SLIT2: variants seen among roughly 807,000 people sequenced by gnomAD.
SLIT2 encodes the protein slit guidance ligand 2.
Under a neutral mutation model 185.7 loss-of-function variants are expected in SLIT2, and 41 were observed. The ratio of observed to expected loss-of-function variants is 0.22; its 90% CI spans 0.17 to 0.29. SLIT2 has a LOEUF of 0.29. Ranked by LOEUF, SLIT2 falls within the 10% of genes least tolerant of loss-of-function variation. The pLI is 1.00. For synonymous variants in SLIT2, 693 were observed against 680.2 expected (o/e 1.02, Z -0.29); for missense variants, 1,571 against 1,909.0 (o/e 0.82, Z 3.30).
chr4:20,324,009 A>G (rs1215941931), intron 4 of SLIT2, among the ~76,000 whole-genome samples: 1 of 152,188 alleles, frequency 6.6e-6, no homozygotes, highest in African/African-American at 2.4e-5. Flanking sequence ...AAGGCAGACC[A>G]CTAAACACTT....
chr4:20,500,794 C>T (rs1481726077), intron 9 of SLIT2, among the ~76,000 whole-genome samples: 2 of 152,046 alleles, frequency 1.3e-5, no homozygotes, highest in East Asian at 1.9e-4. Flanking sequence ...GCTATCATGC[C>T]GATGCAGGCA....
chr4:20,258,073 T>G, intron 3 of SLIT2, 134 bp downstream of exon 3: 1 of 533,226 alleles, frequency 1.9e-6, no homozygotes, highest in Non-Finnish European at 3.4e-6. Context: ...GAATGAGTGG[T>G]TTTCAGGTTA....
chr4:20,290,059 C>G (rs755946141), intron 4 of SLIT2, among the ~76,000 whole-genome samples: 1 of 152,168 alleles, frequency 6.6e-6, no homozygotes, highest in Admixed American at 6.5e-5. Context: ...GCTTGCTCTA[C>G]CTGCTCATCT....
At chr4:20,452,333 T>A (rs1270318418) in intron 4 of SLIT2, among the ~76,000 whole-genome samples, 1 of 152,180 alleles carries the variant, frequency 6.6e-6, no homozygotes, top group Non-Finnish European at 1.5e-5. Flanking sequence ...TCCTCGTCTG[T>A]GTGTTGGAGA....
intron 9 of SLIT2, among the ~76,000 whole-genome samples, chr4:20,503,596 A>G (rs1210277318): frequency 6.6e-6 from 1 of 152,134 alleles, no homozygotes; most frequent in Non-Finnish European, 1.5e-5. Context: ...ATTTGGTTGC[A>G]TCTATTGAGT....
At chr4:20,322,132 A>G (rs1719144503) in intron 4 of SLIT2, among the ~76,000 whole-genome samples, 2 of 152,144 alleles carry the variant, frequency 1.3e-5, no homozygotes, top group Admixed American at 1.3e-4. Flanking sequence ...GCTTTCCTCT[A>G]TCACCAGAAC....
chr4:20,298,286 T>C (rs1429982332), intron 4 of SLIT2, among the ~76,000 whole-genome samples: 1 of 151,888 alleles, frequency 6.6e-6, no homozygotes, highest in Non-Finnish European at 1.5e-5. Context: ...ACGGGGTTTC[T>C]CCTTGTTGGT....
chr4:20,320,163 A>G (rs530019642), intron 4 of SLIT2, among the ~76,000 whole-genome samples: 1 of 152,356 alleles, frequency 6.6e-6, no homozygotes, highest in South Asian at 2.1e-4. Flanking sequence ...AACATGAAGA[A>G]GAATCTATAA....
chr4:20,468,517 T>C (rs542785859), intron 5 of SLIT2, among the ~76,000 whole-genome samples: 6 of 151,980 alleles, frequency 3.9e-5, no homozygotes, highest in Admixed American at 3.9e-4. Flanking sequence ...ATCTTTAGTC[T>C]GGTGTTTCAA....
intron 5 of SLIT2, among the ~76,000 whole-genome samples, chr4:20,473,463 G>A (rs1715781553): frequency 6.6e-6 from 1 of 151,914 alleles, no homozygotes; most frequent in Non-Finnish European, 1.5e-5. Context: ...TTTTAGGAAG[G>A]AAGTCACCCA....
chr4:20,498,869 C>T (rs772849684), intron 9 of SLIT2, among the ~76,000 whole-genome samples: 8 of 152,132 alleles, frequency 5.3e-5, no homozygotes, highest in Non-Finnish European at 7.4e-5. Flanking sequence ...AATACTGCTA[C>T]GATAAACATA....
chr4:20,455,509 T>C lies in SLIT2; in HGVS notation c.396-12243T>C, dbSNP rs549926779. 7.9e-5 allele frequency among the ~76,000 whole-genome samples: 12 copies of C among 152,238 alleles called. No homozygotes were observed. In the South Asian group the frequency reaches 2.3e-3, roughly 29 times the overall value. ...TGCTAGTCCCCAACAGAGATAGATA[T>C]TGATTTTAAAATTGCTTTACAGAGT... On this transcript the variant is annotated intron_variant, in intron 4 of 36. Transcript: ENST00000504154.
At position 20,391,833 on chromosome 4, in the gene SLIT2, C is replaced by T. The variant is rs1357671343; in HGVS notation, c.396-75919C>T. Among the ~76,000 whole-genome samples the T allele has an allele frequency of 2.6e-5, 4 of 151,918 alleles. No homozygotes were observed. In the East Asian group the frequency reaches 5.8e-4, roughly 22 times the overall value. ...GTTCTTTTCTTTGTTTTGAAGACAA[C>T]GTAGTCTTCTTTTGAAAAAAAGTCC... On this transcript the variant is annotated intron_variant, in intron 4 of 36. Transcript: ENST00000504154.
At chr4:20,585,578 T>A (rs1206627989) in intron 29 of SLIT2, among the ~76,000 whole-genome samples, 2 of 152,240 alleles carry the variant, frequency 1.3e-5, no homozygotes, top group African/African-American at 2.4e-5. Flanking sequence ...TTAACCTATA[T>A]TCAACCACAT....
chr4:20,426,468 A>G (rs1728564667), intron 4 of SLIT2, among the ~76,000 whole-genome samples: 1 of 152,198 alleles, frequency 6.6e-6, no homozygotes, highest in Non-Finnish European at 1.5e-5. Context: ...TAGATTTAGC[A>G]GTGTGTTATC....
chr4:20,477,899 A>G (rs780593145), intron 5 of SLIT2, among the ~76,000 whole-genome samples: 1 of 152,198 alleles, frequency 6.6e-6, no homozygotes, highest in Non-Finnish European at 1.5e-5. Flanking sequence ...GCCTGTCACT[A>G]AAGGTATGGC....
chr4:20,578,876 G>T (rs969939023), intron 29 of SLIT2, among the ~76,000 whole-genome samples: 6 of 151,978 alleles, frequency 3.9e-5, no homozygotes, highest in African/African-American at 1.5e-4. Flanking sequence ...TCTTAATCTG[G>T]GGACAAAATG....
intron 5 of SLIT2, 67 bp downstream of exon 5, chr4:20,467,890 T>G: frequency 1.3e-6 from 1 of 775,766 alleles, no homozygotes. Context: ...AAGTTTATAT[T>G]AAATAAAGTG....
At position 20,569,986 on chromosome 4, in the gene SLIT2, A is replaced by G. The variant is rs138435588; in HGVS notation, c.3088+982A>G. 1.1e-3 allele frequency among the ~76,000 whole-genome samples: 173 copies of G among 152,246 alleles called. 1 individual carries two copies. The highest frequency in any genetic ancestry group is 3.9e-3 in the African/African-American group (162 of 41,582). On this transcript the variant is annotated intron_variant, in intron 29 of 36. Transcript: ENST00000504154. ...TTTCCCAGGGATTTGTTGGAAAATT[A>G]TTAAAACGGAAGCTTTTATGGAATA... is the stretch of plus-strand genomic sequence containing the variant.
Sources: allele counts gnomAD v4.1 joint callset (sites outside exome capture counted in the v4.1 genomes callset), GRCh38; gene constraint gnomAD v4.1.1; transcripts MANE v1.5; gene names NCBI Gene and HGNC (gene_info 2026-07-23, HGNC 2026-07-21).